Variants in KCTD16 observed in about 807,000 individuals in gnomAD.
The protein encoded by KCTD16 is potassium channel tetramerization domain containing 16.
A neutral mutation model predicts 33.2 loss-of-function variants in KCTD16; 13 were observed. The observed-to-expected ratio is 0.39, with a 90% CI of 0.25 to 0.62. The LOEUF is 0.62. Among genes scored for constraint, KCTD16 ranks in the 20% least tolerant of loss-of-function variants. KCTD16 has a pLI of 0.50. For missense variants in KCTD16, 441 were observed against 525.1 expected (o/e 0.84, Z 1.57); for synonymous variants, 197 against 195.3 (o/e 1.01, Z -0.07).
intron 3 of KCTD16, among the ~76,000 whole-genome samples, chr5:144,377,370 A>G (rs1752117139): frequency 6.6e-6 from 1 of 152,200 alleles, no homozygotes; most frequent in Admixed American, 6.5e-5. Context: ...GGCAGCTGAG[A>G]CTCAGCTCTA....
At chr5:144,348,790 A>T (rs1752874087) in intron 3 of KCTD16, among the ~76,000 whole-genome samples, 1 of 152,216 alleles carries the variant, frequency 6.6e-6, no homozygotes, top group East Asian at 1.9e-4. Flanking sequence ...TGAGCTTAAG[A>T]AATATTGACT....
At chr5:144,340,722 G>T (rs1404178953) in intron 3 of KCTD16, among the ~76,000 whole-genome samples, 2 of 152,074 alleles carry the variant, frequency 1.3e-5, no homozygotes, top group African/African-American at 2.4e-5. Flanking sequence ...CGAAAAGGTG[G>T]CTGTCTGCAA....
intron 3 of KCTD16, among the ~76,000 whole-genome samples, chr5:144,382,783 T>C (rs558956426): frequency 6.6e-6 from 1 of 152,216 alleles, no homozygotes; most frequent in African/African-American, 2.4e-5. Context: ...TCATCTCTTT[T>C]ACTTCAGCAT....
At chr5:144,423,790 G>GA (rs891252714) in intron 3 of KCTD16, among the ~76,000 whole-genome samples, 1 of 151,984 alleles carries the variant, frequency 6.6e-6, no homozygotes, top group Non-Finnish European at 1.5e-5. Context: ...GGAGGTAAGA[G>GA]AAAAAAAGTA....
chr5:144,307,060 A>G (rs1751620060), intron 3 of KCTD16, among the ~76,000 whole-genome samples: 1 of 152,186 alleles, frequency 6.6e-6, no homozygotes, highest in South Asian at 2.1e-4. Flanking sequence ...ATCTGACACT[A>G]GCCCACCTTT....
chr5:144,455,099 G>A (rs1252412826), intron 3 of KCTD16, among the ~76,000 whole-genome samples: 4 of 152,028 alleles, frequency 2.6e-5, no homozygotes, highest in Non-Finnish European at 2.9e-5. Flanking sequence ...CCCTGTTGTC[G>A]GTGGTGTCCT....
intron 2 of KCTD16, among the ~76,000 whole-genome samples, chr5:144,193,925 C>CTT (rs1752891859): frequency 6.6e-6 from 1 of 152,038 alleles, no homozygotes. Context: ...CTGTGATGCT[C>CTT]TTAACACAGA....
In KCTD16 at chr5:144,477,740, C is replaced by T. The variant is rs762544213; in HGVS notation, c.*3626C>T. The T allele has an allele frequency of 1.3e-5, 2 of 151,994 alleles. No individual in the cohort carries two copies. Among genetic ancestry groups the T allele is most frequent in the African/African-American group, 2.4e-5 (1 of 41,386 alleles). The allele number at this position is 151,994 out of a possible 1,614,324, so 9.4% of individuals were successfully genotyped here. A position where few individuals can be genotyped will look rare whatever the true frequency, so the allele number is the denominator to read the frequency against. Reference sequence around the variant, plus strand: ...TGGGAACCAAATTTTGATTCTTATACATTTTCCTTTGCTACAATTCCAACC... The same window carrying T: ...TGGGAACCAAATTTTGATTCTTATATATTTTCCTTTGCTACAATTCCAACC... On this transcript the variant is annotated 3_prime_UTR_variant, in exon 4 of 4. Transcript: ENST00000512467.
intron 3 of KCTD16, among the ~76,000 whole-genome samples, chr5:144,334,744 A>G (rs1425993022): frequency 6.6e-6 from 1 of 152,078 alleles, no homozygotes; most frequent in Non-Finnish European, 1.5e-5. Context: ...AACCTGGCAG[A>G]TACATTCCAG....
chr5:144,385,681 C>T (rs1302704322), intron 3 of KCTD16, among the ~76,000 whole-genome samples: 1 of 152,206 alleles, frequency 6.6e-6, no homozygotes, highest in Non-Finnish European at 1.5e-5. Flanking sequence ...ACTCTTGGTT[C>T]CAATCCCAAA....
chr5:144,286,809 G>A (rs1755758275), intron 3 of KCTD16, among the ~76,000 whole-genome samples: 1 of 152,118 alleles, frequency 6.6e-6, no homozygotes, highest in Admixed American at 6.5e-5. Flanking sequence ...ACTTAGCATG[G>A]TTGGTGAGGA....
At chr5:144,426,755 A>C (rs1036869278) in intron 3 of KCTD16, among the ~76,000 whole-genome samples, 3 of 152,140 alleles carry the variant, frequency 2.0e-5, no homozygotes, top group African/African-American at 7.2e-5. Flanking sequence ...TGAGAAAAAG[A>C]GACAAGATGG....
rs150564140 is a variant in KCTD16, at chr5:144,220,147, C to T, written c.832+12601C>T. Among the ~76,000 whole-genome samples the T allele has an allele frequency of 2.5e-3, 379 of 152,294 alleles. 1 individual carries two copies. Among genetic ancestry groups the T allele is most frequent in the African/African-American group, 8.8e-3 (364 of 41,562 alleles). ...ACCTCGAGGGATTTGTCTTACCTCT[C>T]CCCCAAACACTCATCCTTCCACTTC... On this transcript the variant is annotated intron_variant, in intron 3 of 3. Coordinates refer to ENST00000512467, the MANE Select transcript of KCTD16 (RefSeq NM_020768.4).
intron 2 of KCTD16, among the ~76,000 whole-genome samples, chr5:144,197,445 A>AGAT (rs1269287986): frequency 6.6e-6 from 1 of 152,232 alleles, no homozygotes; most frequent in Non-Finnish European, 1.5e-5. Flanking sequence ...TGTTATATCC[A>AGAT]GATGAAACTT....
At chr5:144,308,914 C>T (rs1751681520) in intron 3 of KCTD16, among the ~76,000 whole-genome samples, 1 of 151,796 alleles carries the variant, frequency 6.6e-6, no homozygotes, top group Non-Finnish European at 1.5e-5. Flanking sequence ...AGCATGGGGT[C>T]TCATTCCTCA....
intron 3 of KCTD16, among the ~76,000 whole-genome samples, chr5:144,429,819 T>C (rs1580958391): frequency 6.6e-6 from 1 of 151,954 alleles, no homozygotes; most frequent in African/African-American, 2.4e-5. Context: ...GAATATACAG[T>C]GCCGCCAAGG....
intron 3 of KCTD16, among the ~76,000 whole-genome samples, chr5:144,289,248 T>G (rs1219866121): frequency 6.6e-6 from 1 of 152,222 alleles, no homozygotes; most frequent in Non-Finnish European, 1.5e-5. Context: ...AACCAGAATG[T>G]GCCCAGAATC....
intron 3 of KCTD16, among the ~76,000 whole-genome samples, chr5:144,435,744 T>G (rs1372138890): frequency 1.3e-5 from 2 of 152,108 alleles, no homozygotes. Context: ...TCTTTGTGCT[T>G]TTGCCATCCT....
chr5:144,429,828 G>A (rs550756267), intron 3 of KCTD16, among the ~76,000 whole-genome samples: 12 of 152,106 alleles, frequency 7.9e-5, no homozygotes, highest in East Asian at 7.7e-4. Flanking sequence ...GTGCCGCCAA[G>A]GAAGTTACAT....
Sources: allele counts gnomAD v4.1 joint callset (sites outside exome capture counted in the v4.1 genomes callset), GRCh38; gene constraint gnomAD v4.1.1; transcripts MANE v1.5; gene names NCBI Gene and HGNC (gene_info 2026-07-23, HGNC 2026-07-21).